The following PPA1 variants were observed in gnomAD, a reference collection of about 807,000 sequenced individuals.
The protein encoded by PPA1 is inorganic pyrophosphatase 1, also known as inorganic pyrophosphatase.
PPA1 carries 23 observed loss-of-function variants against 41.8 expected under a neutral mutation model. The ratio of observed to expected loss-of-function variants is 0.55; its 90% CI spans 0.40 to 0.78. The LOEUF (loss-of-function observed/expected upper bound fraction) is 0.78. Ranked by LOEUF, PPA1 falls within the 30% of genes least tolerant of loss-of-function variation. The pLI is 0.00. For missense variants in PPA1, 320 were observed against 361.6 expected (o/e 0.89, Z 0.93); for synonymous variants, 101 against 116.8 (o/e 0.86, Z 0.87).
intron 4 of PPA1, 62 bp downstream of exon 4, chr10:70,217,750 A>G: frequency 1.5e-6 from 2 of 1,345,214 alleles, no homozygotes; most frequent in East Asian, 2.5e-5. Flanking sequence ...TTTTACTAAT[A>G]GCAGTAAATT....
chr10:70,219,167 T>G (rs1840109228), intron 2 of PPA1, among the ~76,000 whole-genome samples: 1 of 152,158 alleles, frequency 6.6e-6, no homozygotes, highest in Admixed American at 6.6e-5. Flanking sequence ...CCTCCCAAAG[T>G]GCTAGGATTA....
At position 70,203,119 on chromosome 10, in the gene PPA1, T is replaced by C. The variant is rs1027369879; in HGVS notation, c.*36A>G. 4 of 1,582,506 alleles carry C rather than the reference T, an allele frequency of 2.5e-6. No individual in the cohort carries two copies. The highest frequency in any genetic ancestry group is 3.5e-6 in the Non-Finnish European group (4 of 1,153,488). ...TTCTAATACATCCAGATGAACACGA[T>C]GTAGCAATATCAGCTTGTATTCCAG... On this transcript the variant is annotated 3_prime_UTR_variant, in exon 11 of 11. Transcript: ENST00000373232.
At position 70,209,306 on chromosome 10, in the gene PPA1, G is replaced by A. The variant is rs9415006; in HGVS notation, c.640-16C>T. Reference sequence around the variant, plus strand: ...TGGCAAAGTCCTATAATTTGAAGAGGTTTGCATTACAATGATAAAAAGGTA... The same window carrying A: ...TGGCAAAGTCCTATAATTTGAAGAGATTTGCATTACAATGATAAAAAGGTA... On this transcript the variant is annotated splice_polypyrimidine_tract_variant and intron_variant, in intron 7 of 10. Transcript: ENST00000373232. The A allele has an allele frequency of 0.88, 1,346,033 of 1,537,482 alleles. 590,111 individuals carry two copies. The highest frequency in any genetic ancestry group is 1 in the East Asian group (44,278 of 44,304).
chr10:70,220,004 T>C (rs1196747069), intron 2 of PPA1, among the ~76,000 whole-genome samples: 1 of 152,124 alleles, frequency 6.6e-6, no homozygotes, highest in African/African-American at 2.4e-5. Context: ...CTTGGCTCAC[T>C]GCAACCTCTG....
Position 70,214,600 on chromosome 10 carries a change from A to T in PPA1, c.298-14T>A. Reference sequence around the variant, plus strand: ...GTCTTCCCAAGTCTAAAAATATAAGACAGTGTATATCATTCCTATACATAC... The same window carrying T: ...GTCTTCCCAAGTCTAAAAATATAAGTCAGTGTATATCATTCCTATACATAC... On this transcript the variant is annotated splice_polypyrimidine_tract_variant and intron_variant, in intron 4 of 10. Coordinates refer to ENST00000373232, the MANE Select transcript of PPA1 (RefSeq NM_021129.4). 1 of 1,592,838 alleles carries T rather than the reference A, an allele frequency of 6.3e-7. No individual in the cohort carries two copies. Among genetic ancestry groups the T allele is most frequent in the Non-Finnish European group, 8.6e-7 (1 of 1,161,060 alleles).
intron 2 of PPA1, among the ~76,000 whole-genome samples, chr10:70,229,331 A>G (rs972250517): frequency 6.6e-6 from 1 of 152,196 alleles, no homozygotes. Flanking sequence ...GGTTCTTGCT[A>G]TGTTGCCCAG....
chr10:70,206,067 G>T (rs1311089495), intron 9 of PPA1, 197 bp downstream of exon 9: 5 of 571,240 alleles, frequency 8.8e-6, no homozygotes, highest in African/African-American at 3.8e-5. Context: ...TGATTGATTA[G>T]AATCACTCCC....
At chr10:70,215,689 C>G (rs1393686739) in intron 4 of PPA1, among the ~76,000 whole-genome samples, 1 of 151,990 alleles carries the variant, frequency 6.6e-6, no homozygotes, top group African/African-American at 2.4e-5. Flanking sequence ...CCATGTTGGC[C>G]AGACTGGTCT....
chr10:70,232,791 G>C (rs983399649), intron 1 of PPA1, among the ~76,000 whole-genome samples: 1 of 152,136 alleles, frequency 6.6e-6, no homozygotes, highest in Admixed American at 6.5e-5. Flanking sequence ...GGGTGGACTT[G>C]GCTCCGCTCA....
intron 2 of PPA1, among the ~76,000 whole-genome samples, chr10:70,226,426 G>T (rs1840231693): frequency 6.6e-6 from 1 of 151,990 alleles, no homozygotes; most frequent in South Asian, 2.1e-4. Flanking sequence ...AGGTACGGTG[G>T]TGTGTGCCTG....
Position 70,208,789 on chromosome 10 carries a change from G to A in PPA1, c.725+416C>T, listed in dbSNP as rs560437666. Among the ~76,000 whole-genome samples the A allele has an allele frequency of 3.4e-3, 454 of 134,238 alleles. 4 individuals carry two copies. The highest frequency in any genetic ancestry group is 0.01 in the African/African-American group (402 of 38,378). The allele number at this position is 134,238 out of a possible 152,430, so 88.1% of individuals were successfully genotyped here. A position where few individuals can be genotyped will look rare whatever the true frequency, so the allele number is the denominator to read the frequency against. ...TATTTTTGTACATTGGCTGTTTCTC[G>A]TACTCTTTTTTTTTTTTTTTTGAGA... On this transcript the variant is annotated intron_variant, in intron 8 of 10. Coordinates refer to ENST00000373232, the MANE Select transcript of PPA1 (RefSeq NM_021129.4).
At position 70,209,693 on chromosome 10, in the gene PPA1, G is replaced by A. The variant is rs202215860; in HGVS notation, c.512-8C>T. ...GTTTGACATCATTGATATCTAAGAA[G>A]AGAAGAAGCATAAGATGACAGTGAG... On this transcript the variant is annotated splice_polypyrimidine_tract_variant and splice_region_variant and intron_variant, in intron 6 of 10. Transcript: ENST00000373232. 3.8e-6 allele frequency: 6 copies of A among 1,583,530 alleles called. No homozygotes were observed. The South Asian group carries it at 5.7e-5, about 15-fold the overall frequency.
Position 70,202,862 on chromosome 10 carries a change from C to T in PPA1, c.*293G>A. ...TCAGCAAAATAATTTTATTTCCTAA[C>T]ATATGGTAACATATACATCCAATAT... On this transcript the variant is annotated 3_prime_UTR_variant, in exon 11 of 11. Transcript: ENST00000373232. The T allele has an allele frequency of 3.4e-6, 1 of 291,304 alleles. No individual in the cohort carries two copies. The highest frequency in any genetic ancestry group is 6.3e-6 in the Non-Finnish European group (1 of 158,684). The allele number at this position is 291,304 out of a possible 1,614,324, so 18.0% of individuals were successfully genotyped here. A position where few individuals can be genotyped will look rare whatever the true frequency, so the allele number is the denominator to read the frequency against.
intron 4 of PPA1, among the ~76,000 whole-genome samples, chr10:70,217,579 T>A (rs568100886): frequency 1.3e-5 from 2 of 152,322 alleles, no homozygotes; most frequent in East Asian, 3.9e-4. Context: ...AAAGAAGAAA[T>A]ATTTCAGGAA....
intron 1 of PPA1, among the ~76,000 whole-genome samples, chr10:70,232,858 C>CCG (rs1554831244): frequency 1.1e-4 from 17 of 152,118 alleles, no homozygotes; most frequent in African/African-American, 2.7e-4. Flanking sequence ...GTCACTGCCC[C>CCG]CCCCGGCCCG....
At chr10:70,225,517 C>A (rs998875657) in intron 2 of PPA1, among the ~76,000 whole-genome samples, 6 of 151,996 alleles carry the variant, frequency 3.9e-5, no homozygotes, top group African/African-American at 1.5e-4. Flanking sequence ...ACCCAGCCCA[C>A]CCCCCATTTT....
intron 2 of PPA1, among the ~76,000 whole-genome samples, chr10:70,228,808 GA>G (rs1840258697): frequency 6.6e-6 from 1 of 152,196 alleles, no homozygotes; most frequent in Non-Finnish European, 1.5e-5. Context: ...AGGCAGTACA[GA>G]ACTGCAGCAA....
intron 8 of PPA1, among the ~76,000 whole-genome samples, chr10:70,206,882 G>GAGGGT (rs1839949135): frequency 1.2e-5 from 1 of 84,150 alleles, no homozygotes; most frequent in Non-Finnish European, 2.3e-5. Flanking sequence ...GAGGGGAGGG[G>GAGGGT]AGGGGAGGGG....
intron 2 of PPA1, among the ~76,000 whole-genome samples, chr10:70,224,789 G>A (rs768752584): frequency 1.3e-5 from 2 of 152,120 alleles, no homozygotes; most frequent in Admixed American, 1.3e-4. Context: ...GGAGCACAAT[G>A]GTGCAATCTC....
Sources: gnomAD v4.1 joint callset for allele counts (sites outside exome capture counted in the v4.1 genomes callset) on GRCh38, gnomAD v4.1.1 for gene constraint, MANE v1.5 for transcripts, NCBI Gene and HGNC (gene_info 2026-07-23, HGNC 2026-07-21) for gene names.